Variants in NINJ2 observed in about 807,000 individuals in gnomAD.
NINJ2 encodes the protein ninjurin 2, also known as ninjurin-2.
A neutral mutation model predicts 11.7 loss-of-function variants in NINJ2; 12 were observed. The ratio of observed to expected loss-of-function variants is 1.02; its 90% CI spans 0.66 to 1.66. NINJ2 has a LOEUF of 1.66. Ranked by LOEUF, NINJ2 falls within the 40% of genes most tolerant of loss-of-function variation. NINJ2 has a pLI of 0.00. For synonymous variants in NINJ2, 93 were observed against 76.8 expected (o/e 1.21, Z -1.10); for missense variants, 187 against 181.8 (o/e 1.03, Z -0.16).
At chr12:662,432 G>GAC (rs1937970485) in intron 1 of NINJ2, among the ~76,000 whole-genome samples, 1 of 151,996 alleles carries the variant, frequency 6.6e-6, no homozygotes, top group Non-Finnish European at 1.5e-5. Flanking sequence ...GAGAGAGAGA[G>GAC]ACGCGTGCAC....
rs1947556477 is a variant in NINJ2, at chr12:581,582, C to T, written c.34-15404G>A. On this transcript the variant is annotated intron_variant, in intron 1 of 3. Coordinates refer to ENST00000305108, the MANE Select transcript of NINJ2 (RefSeq NM_016533.6). This position sits in a 1 kb window ranked among gnomAD's most constrained non-coding sequence, Gnocchi z 4.9. ...AGGATTCGAAATGGGGCCAGTCACA[C>T]ATTCTCCCAGCCCTGACACCTGAAC... Among the ~76,000 whole-genome samples the T allele has an allele frequency of 2.0e-5, 3 of 152,318 alleles. No homozygotes were observed. The highest frequency in any genetic ancestry group is 2.0e-4 in the Admixed American group (3 of 15,304).
chr12:587,714 C>T (rs1206038543), intron 1 of NINJ2, among the ~76,000 whole-genome samples: 1 of 152,170 alleles, frequency 6.6e-6, no homozygotes, highest in African/African-American at 2.4e-5. Context: ...TGGCCAGGGA[C>T]CCTGCGCCTC....
chr12:565,529 G>A, intron 2 of NINJ2, 128 bp from the exon 3 acceptor site: 1 of 1,006,086 alleles, frequency 9.9e-7, no homozygotes, highest in Non-Finnish European at 1.5e-6. Flanking sequence ...ATCAAGGGAG[G>A]TGGTCGTCAT....
At chr12:606,686 C>T (rs915414406) in intron 1 of NINJ2, among the ~76,000 whole-genome samples, 4 of 152,180 alleles carry the variant, frequency 2.6e-5, no homozygotes, top group Non-Finnish European at 4.4e-5. Context: ...CTATACTCAA[C>T]CCACTAGCAA....
intron 1 of NINJ2, among the ~76,000 whole-genome samples, chr12:599,749 C>A (rs546772428): frequency 6.6e-6 from 1 of 152,324 alleles, no homozygotes; most frequent in Non-Finnish European, 1.5e-5. Context: ...CCCAGCCCCA[C>A]GACTGCGCTT....
intron 1 of NINJ2, among the ~76,000 whole-genome samples, chr12:620,829 C>G (rs1437327658): frequency 6.6e-6 from 1 of 152,114 alleles, no homozygotes; most frequent in Non-Finnish European, 1.5e-5. Flanking sequence ...GGGGTTTTGC[C>G]ATGTTGGCCA....
In NINJ2 at chr12:566,584, C is replaced by T. The variant is rs144544628; in HGVS notation, c.34-406G>A. Among the ~76,000 whole-genome samples the T allele has an allele frequency of 1.6e-4, 24 of 152,298 alleles. No homozygotes were observed. In the East Asian group the frequency reaches 4.4e-3, roughly 28 times the overall value. ...GCACCTGAGAAGACAATAAAAAGAG[C>T]TTGGAGGCTTGGGTGAAATAGAGAA... is the stretch of plus-strand genomic sequence containing the variant. On this transcript the variant is annotated intron_variant, in intron 1 of 3. Transcript: ENST00000305108.
chr12:601,273 G>GGCCTGTTTTAAAAAAATAAAA (rs1200474576), intron 1 of NINJ2, among the ~76,000 whole-genome samples: 1 of 152,224 alleles, frequency 6.6e-6, no homozygotes, highest in East Asian at 1.9e-4. Context: ...CAGGCCGGGC[G>GGCCTGTTTTAAAAAAATAAAA]CAGTGGCTCA....
In NINJ2 at chr12:581,802, G is replaced by C. The variant is rs1238482812; in HGVS notation, c.34-15624C>G. Among the ~76,000 whole-genome samples the C allele has an allele frequency of 6.6e-6, 1 of 152,130 alleles. No individual in the cohort carries two copies. Among genetic ancestry groups the C allele is most frequent in the African/African-American group, 2.4e-5 (1 of 41,410 alleles). On this transcript the variant is annotated intron_variant, in intron 1 of 3. Coordinates refer to ENST00000305108, the MANE Select transcript of NINJ2 (RefSeq NM_016533.6). This position sits in a 1 kb window ranked among gnomAD's most constrained non-coding sequence, Gnocchi z 4.9. ...CCTCGTGGTGAGAAGCTAGTATCTG[G>C]TGAAATAGGTGAGCTGCTGCCAAAC...
rs1254198084 is a variant in NINJ2, at chr12:599,913, C to T, written c.34-33735G>A. On this transcript the variant is annotated intron_variant, in intron 1 of 3. Coordinates refer to ENST00000305108, the MANE Select transcript of NINJ2 (RefSeq NM_016533.6). The stretch of plus-strand genomic sequence containing the variant: ...CAGGAGTAGCCGTGCACTCAGGATA[C>T]CTCTGATGCCAAGGTTTGAGCAGCT... 2.0e-5 allele frequency among the ~76,000 whole-genome samples: 3 copies of T among 152,292 alleles called. No individual in the cohort carries two copies. In the East Asian group the frequency reaches 5.8e-4, roughly 29 times the overall value.
chr12:565,915 A>T (rs1947291712), intron 2 of NINJ2, 35 bp downstream of exon 2: 1 of 1,580,874 alleles, frequency 6.3e-7, no homozygotes. Context: ...ACGGGTGCCG[A>T]GGCAGAAGGT....
intron 1 of NINJ2, among the ~76,000 whole-genome samples, chr12:625,102 C>CAAAA (rs200290771): frequency 1.1e-5 from 1 of 93,574 alleles, no homozygotes; most frequent in South Asian, 3.6e-4. Context: ...GACTTCATCT[C>CAAAA]AAAAAAAAAA....
At chr12:657,529 C>T (rs976291962) in intron 1 of NINJ2, among the ~76,000 whole-genome samples, 3 of 152,086 alleles carry the variant, frequency 2.0e-5, no homozygotes, top group Admixed American at 6.6e-5. Context: ...GCAGAGGTTG[C>T]GGTGAGCTGA....
intron 1 of NINJ2, among the ~76,000 whole-genome samples, chr12:602,980 A>G (rs1013002035): frequency 7.5e-5 from 11 of 146,040 alleles, no homozygotes; most frequent in African/African-American, 2.6e-4. Flanking sequence ...CTACAGGCAC[A>G]TGGCCACCAT....
At chr12:629,064 AC>A (rs1355902106) in intron 1 of NINJ2, among the ~76,000 whole-genome samples, 1 of 152,080 alleles carries the variant, frequency 6.6e-6, no homozygotes, top group Non-Finnish European at 1.5e-5. Context: ...GTGTTTCTTT[AC>A]TTGTCTAGCA....
At chr12:572,325 C>T (rs1326979459) in intron 1 of NINJ2, among the ~76,000 whole-genome samples, 2 of 152,184 alleles carry the variant, frequency 1.3e-5, no homozygotes, top group African/African-American at 4.8e-5. Context: ...ACAGTCAGGG[C>T]TACACACTAG....
intron 1 of NINJ2, among the ~76,000 whole-genome samples, chr12:617,533 A>G (rs1008760980): frequency 3.9e-5 from 6 of 152,172 alleles, no homozygotes; most frequent in Non-Finnish European, 7.3e-5. Flanking sequence ...TGGCCTTGAC[A>G]TTAGAGGATG....
chr12:636,796 G>A (rs1036933928), intron 1 of NINJ2, among the ~76,000 whole-genome samples: 18 of 152,198 alleles, frequency 1.2e-4, no homozygotes, highest in Non-Finnish European at 2.1e-4. Flanking sequence ...TGGTGAGAAC[G>A]TAAATGATGC....
In NINJ2 at chr12:595,546, G is replaced by A. The variant is rs562033410; in HGVS notation, c.34-29368C>T. Among the ~76,000 whole-genome samples, 12 of 152,236 alleles carry A rather than the reference G, an allele frequency of 7.9e-5. No individual in the cohort carries two copies. In the South Asian group the frequency reaches 8.3e-4, roughly 11 times the overall value. On this transcript the variant is annotated intron_variant, in intron 1 of 3. Transcript: ENST00000305108. ...TCCCAGCACTTTGGGAGGCCAAGGC[G>A]GGTGGATCACCTGAGGTTGGAAGTT... is the stretch of plus-strand genomic sequence containing the variant.
Sources: gnomAD v4.1 joint callset for allele counts (sites outside exome capture counted in the v4.1 genomes callset) on GRCh38, gnomAD v4.1.1 for gene constraint, Gnocchi (gnomAD v3.1) non-coding constraint, MANE v1.5 for transcripts, NCBI Gene and HGNC (gene_info 2026-07-23, HGNC 2026-07-21) for gene names.